The following SLC24A3 variants were observed in gnomAD, a reference collection of about 807,000 sequenced individuals.
The protein encoded by SLC24A3 is sodium/potassium/calcium exchanger 3.
Under a neutral mutation model 75.8 loss-of-function variants are expected in SLC24A3, and 28 were observed. The ratio of observed to expected loss-of-function variants is 0.37; its 90% CI spans 0.27 to 0.51. SLC24A3 has a LOEUF of 0.51. Ranked by LOEUF, SLC24A3 falls within the 20% of genes least tolerant of loss-of-function variation. SLC24A3 has a pLI of 0.94. For missense variants in SLC24A3, 663 were observed against 847.8 expected (o/e 0.78, Z 2.71); for synonymous variants, 372 against 334.1 (o/e 1.11, Z -1.24).
At chr20:19,254,280 C>T (rs530164929) in intron 1 of SLC24A3, among the ~76,000 whole-genome samples, 1 of 152,230 alleles carries the variant, frequency 6.6e-6, no homozygotes, top group South Asian at 2.1e-4. Flanking sequence ...TCCAGGGGTT[C>T]CCTCACAAGT....
chr20:19,406,368 A>T (rs894829865), intron 2 of SLC24A3, among the ~76,000 whole-genome samples: 2 of 152,182 alleles, frequency 1.3e-5, no homozygotes, highest in Non-Finnish European at 2.9e-5. Flanking sequence ...AGCAAAGTTT[A>T]TTTAGAATTT....
intron 2 of SLC24A3, among the ~76,000 whole-genome samples, chr20:19,345,564 C>T (rs768737194): frequency 1.2e-4 from 18 of 152,196 alleles, no homozygotes; most frequent in Non-Finnish European, 2.5e-4. Flanking sequence ...TATCCAGAAT[C>T]TACAAAGAAC....
chr20:19,545,628 T>G (rs1223236757), intron 3 of SLC24A3, among the ~76,000 whole-genome samples: 1 of 152,088 alleles, frequency 6.6e-6, no homozygotes, highest in Non-Finnish European at 1.5e-5. Flanking sequence ...CTCATCCCCA[T>G]CTTCTGGTCT....
intron 3 of SLC24A3, among the ~76,000 whole-genome samples, chr20:19,564,215 G>A (rs934450824): frequency 1.3e-5 from 2 of 152,188 alleles, no homozygotes; most frequent in Non-Finnish European, 2.9e-5. Context: ...AAAAGTGGGA[G>A]AGGGTAAAAG....
Position 19,665,843 on chromosome 20 carries a change from ATTC to A in SLC24A3, c.688-18_688-16del. The stretch of plus-strand genomic sequence containing the variant: ...TGTGTGTGTGTGTGTCTAATCTTCT[ATTC>A]TTTTTATTTTTTCACAGTTTATTTA... On this transcript the variant is annotated intron_variant, in intron 7 of 16. Coordinates refer to ENST00000328041, the MANE Select transcript of SLC24A3 (RefSeq NM_020689.4). 1.3e-6 allele frequency: 2 copies of A among 1,542,030 alleles called. No individual in the cohort carries two copies. Among genetic ancestry groups the A allele is most frequent in the Non-Finnish European group, 1.8e-6 (2 of 1,138,786 alleles).
At chr20:19,528,795 AG>A (rs1304374907) in intron 3 of SLC24A3, among the ~76,000 whole-genome samples, 1 of 152,116 alleles carries the variant, frequency 6.6e-6, no homozygotes, top group Non-Finnish European at 1.5e-5. Flanking sequence ...AATTAGGCAG[AG>A]GGGGTATTTT....
At chr20:19,674,808 T>A (rs940975983) in intron 9 of SLC24A3, among the ~76,000 whole-genome samples, 1 of 152,166 alleles carries the variant, frequency 6.6e-6, no homozygotes, top group Non-Finnish European at 1.5e-5. Context: ...ATCTCAGCAC[T>A]TTGGGAGGCC....
chr20:19,269,842 C>A (rs748371933), intron 1 of SLC24A3, among the ~76,000 whole-genome samples: 1 of 152,134 alleles, frequency 6.6e-6, no homozygotes, highest in Non-Finnish European at 1.5e-5. Context: ...ATAGTTGAGA[C>A]CCAGCAGGCT....
In SLC24A3 at chr20:19,515,537, A is replaced by G; in HGVS notation, c.321A>G (p.Gln107=). The change falls in exon 3 of 17, where the codon CAA becomes CAG. Residue 107 remains glutamine (Q), a synonymous_variant. Transcript: ENST00000328041. ...NDIFTNEDRR[Q]GAVVLHVLCA... ...TCTTCACAAACGAGGATAGAAGACA[A>G]GGTGCGGTGGTCCTCCATGTGCTCT... 1 of 1,614,170 alleles carries G rather than the reference A, an allele frequency of 6.2e-7. No individual in the cohort carries two copies. The highest frequency in any genetic ancestry group is 8.5e-7 in the Non-Finnish European group (1 of 1,180,010).
chr20:19,473,106 T>C (rs893445320), intron 2 of SLC24A3, among the ~76,000 whole-genome samples: 4 of 152,198 alleles, frequency 2.6e-5, no homozygotes, highest in Non-Finnish European at 4.4e-5. Context: ...CCCTCCTTCC[T>C]GAACCCCCAG....
At chr20:19,301,465 T>G (rs943091749) in intron 2 of SLC24A3, among the ~76,000 whole-genome samples, 1 of 152,140 alleles carries the variant, frequency 6.6e-6, no homozygotes, top group Non-Finnish European at 1.5e-5. Context: ...CACCACAGAG[T>G]GCTCTTCTAC....
At chr20:19,326,563 C>CTTTCT (rs1363479428) in intron 2 of SLC24A3, among the ~76,000 whole-genome samples, 2 of 149,542 alleles carry the variant, frequency 1.3e-5, no homozygotes, top group Non-Finnish European at 3.0e-5. Flanking sequence ...TCAGTTTTTT[C>CTTTCT]TTTCTTTTCT....
chr20:19,566,141 C>T (rs781106799), intron 3 of SLC24A3, among the ~76,000 whole-genome samples: 6 of 152,198 alleles, frequency 3.9e-5, no homozygotes, highest in Non-Finnish European at 8.8e-5. Flanking sequence ...ATTCAAGCAA[C>T]AACCGGGAAG....
intron 6 of SLC24A3, among the ~76,000 whole-genome samples, chr20:19,609,404 T>A (rs1318365508): frequency 6.6e-6 from 1 of 152,168 alleles, no homozygotes; most frequent in Admixed American, 6.5e-5. Flanking sequence ...ATGTATTTAT[T>A]TATTTTTTAA....
At chr20:19,247,160 A>T (rs1982517509) in intron 1 of SLC24A3, among the ~76,000 whole-genome samples, 1 of 152,216 alleles carries the variant, frequency 6.6e-6, no homozygotes, top group Non-Finnish European at 1.5e-5. Flanking sequence ...CACGTCAGTC[A>T]TGAATAGAAA....
chr20:19,721,205 C>G lies in SLC24A3; in HGVS notation c.*65C>G. ...GTGCAATACGAGACCCGGCCGCACC[C>G]CGAGTCACACAGGCCCCCGGGGCCA... On this transcript the variant is annotated 3_prime_UTR_variant, in exon 17 of 17. Coordinates refer to ENST00000328041, the MANE Select transcript of SLC24A3 (RefSeq NM_020689.4). 1 of 1,588,334 alleles carries G rather than the reference C, an allele frequency of 6.3e-7. No homozygotes were observed. The highest frequency in any genetic ancestry group is 8.6e-7 in the Non-Finnish European group (1 of 1,168,702).
chr20:19,448,278 T>C (rs1186436509), intron 2 of SLC24A3, among the ~76,000 whole-genome samples: 2 of 152,272 alleles, frequency 1.3e-5, no homozygotes, highest in Non-Finnish European at 2.9e-5. Context: ...ATATTGTTAA[T>C]AGCTACTATG....
intron 2 of SLC24A3, among the ~76,000 whole-genome samples, chr20:19,344,147 A>G (rs1222438129): frequency 6.6e-6 from 1 of 152,232 alleles, no homozygotes; most frequent in Non-Finnish European, 1.5e-5. Flanking sequence ...TGGATGATGG[A>G]AAGAGCAGTG....
At chr20:19,316,783 TC>T (rs1347697231) in intron 2 of SLC24A3, among the ~76,000 whole-genome samples, 1 of 152,192 alleles carries the variant, frequency 6.6e-6, no homozygotes, top group Non-Finnish European at 1.5e-5. Flanking sequence ...CAATTAACTC[TC>T]TTTGCAAAAT....
Sources: gnomAD v4.1 joint callset for allele counts (sites outside exome capture counted in the v4.1 genomes callset) on GRCh38, gnomAD v4.1.1 for gene constraint, MANE v1.5 for transcripts, NCBI Gene and HGNC (gene_info 2026-07-23, HGNC 2026-07-21) for gene names.